NAALADL1: variants seen among roughly 807,000 people sequenced by gnomAD.
The protein encoded by NAALADL1 is aminopeptidase NAALADL1.
Under a neutral mutation model 82.8 loss-of-function variants are expected in NAALADL1, and 77 were observed. The observed-to-expected ratio is 0.93, with a 90% CI of 0.77 to 1.12. NAALADL1 has a LOEUF of 1.12. Ranked by LOEUF, NAALADL1 falls within the 50% of genes most tolerant of loss-of-function variation. The pLI is 0.00. For synonymous variants in NAALADL1, 358 were observed against 399.2 expected (o/e 0.90, Z 1.23); for missense variants, 956 against 964.0 (o/e 0.99, Z 0.11).
intron 4 of NAALADL1, among the ~76,000 whole-genome samples, chr11:65,055,830 CT>C (rs1373484244): frequency 6.7e-6 from 1 of 149,828 alleles, no homozygotes; most frequent in Non-Finnish European, 1.5e-5. Flanking sequence ...TTCTTCCTTC[CT>C]TTCTCTCCAC....
chr11:65,047,963 C>T lies in NAALADL1; in HGVS notation c.1416+18G>A, dbSNP rs200424674. ...CCGCCCCAGCTAGTTCAGCCCCGCC[C>T]GGCCTGCCCCCTTCCACCTCTTTGG... On this transcript the variant is annotated intron_variant, in intron 11 of 17. Coordinates refer to ENST00000358658, the MANE Select transcript of NAALADL1 (RefSeq NM_005468.3). 88 of 1,595,578 alleles carry T rather than the reference C, an allele frequency of 5.5e-5. No homozygotes were observed. The East Asian group carries it at 1.4e-3, about 26-fold the overall frequency.
chr11:65,057,852 A>C (rs1386528588), intron 3 of NAALADL1, 23 bp downstream of exon 3: 1 of 1,612,452 alleles, frequency 6.2e-7, no homozygotes, highest in East Asian at 2.2e-5. Flanking sequence ...GGGCCAGAGC[A>C]GTAGGGGGGG....
At chr11:65,050,253 C>T (rs565889373) in intron 8 of NAALADL1, among the ~76,000 whole-genome samples, 6 of 151,068 alleles carry the variant, frequency 4.0e-5, no homozygotes, top group East Asian at 4.0e-4. Context: ...CTGAGGTGGG[C>T]GGATCACGAG....
intron 17 of NAALADL1, 144 bp downstream of exon 17, chr11:65,045,678 C>T: frequency 1.1e-6 from 1 of 943,392 alleles, no homozygotes; most frequent in Non-Finnish European, 1.6e-6. Context: ...AACTTTCCTC[C>T]CCTCCCTGAG....
Position 65,058,249 on chromosome 11 carries a change from C to A in NAALADL1, c.187G>T (p.Glu63Ter). The A allele has an allele frequency of 6.2e-7, 1 of 1,613,498 alleles. No homozygotes were observed. Among genetic ancestry groups the A allele is most frequent in the African/African-American group, 1.3e-5 (1 of 75,032 alleles). Residue 63 changes from glutamate (E) to a stop codon, truncating the protein, a stop_gained and splice_region_variant, in exon 2 of 18, where the codon GAA becomes TAA. Coordinates refer to ENST00000358658, the MANE Select transcript of NAALADL1 (RefSeq NM_005468.3). LOFTEE classifies it high-confidence loss of function. ...DAHRIRENLR[E>*]LSREPHLASS... is the part of the protein sequence containing the mutation. Reference sequence around the variant, plus strand: ...GCCAGGTGTGGCTCCCTGGAGAGTTCTCTGCAGGGTGGGCAGAGGGAGGGG... The same window carrying A: ...GCCAGGTGTGGCTCCCTGGAGAGTTATCTGCAGGGTGGGCAGAGGGAGGGG...
Position 65,047,678 on chromosome 11 carries a change from G to T in NAALADL1, c.1477C>A (p.Arg493Ser), listed in dbSNP as rs373785662. 1,134 of 1,607,888 alleles carry T rather than the reference G, an allele frequency of 7.1e-4. 10 individuals are homozygous for T. In the South Asian group the frequency reaches 9.8e-3, roughly 14 times the overall value. Reference sequence around the variant, plus strand: ...ACCAGGCCGTACACCGGGCTGCTGCGGTTGAAGTACCGGATCCAGTTGTCG... The same window carrying T: ...ACCAGGCCGTACACCGGGCTGCTGCTGTTGAAGTACCGGATCCAGTTGTCG... ...IYDNWIRYFN[R>S]SSPVYGLVPS... is the part of the protein sequence containing the mutation. Residue 493 changes from arginine to serine, a missense_variant, in exon 12 of 18, where the codon CGC (arginine) becomes AGC (serine). Physicochemically the swap from Arg to Ser is moderately radical, Grantham distance 110. Coordinates refer to ENST00000358658, the MANE Select transcript of NAALADL1 (RefSeq NM_005468.3).
chr11:65,045,625 G>A, intron 17 of NAALADL1, 168 bp from the exon 18 acceptor site: 1 of 900,960 alleles, frequency 1.1e-6, no homozygotes, highest in Non-Finnish European at 1.7e-6. Context: ...GTCGGGGGAG[G>A]AAATGTGGGT....
intron 8 of NAALADL1, among the ~76,000 whole-genome samples, chr11:65,051,808 G>C (rs1468612289): frequency 6.6e-6 from 1 of 152,180 alleles, no homozygotes; most frequent in Non-Finnish European, 1.5e-5. Context: ...GCCAATGGCA[G>C]TGATGGTTGC....
At chr11:65,058,276 A>G (rs776505425) in intron 1 of NAALADL1, 26 bp from the exon 2 acceptor site, 1 of 1,613,668 alleles carries the variant, frequency 6.2e-7, no homozygotes. Flanking sequence ...AGGGAGGGGC[A>G]GGGCCAGCAT....
chr11:65,054,239 C>A lies in NAALADL1; in HGVS notation c.992+11G>T. 6.2e-7 allele frequency: 1 copy of A among 1,611,406 alleles called. No individual in the cohort carries two copies. The highest frequency in any genetic ancestry group is 8.5e-7 in the Non-Finnish European group (1 of 1,178,326). On this transcript the variant is annotated intron_variant, in intron 6 of 17. Transcript: ENST00000358658. The surrounding 1 kb of genome is among the most constrained non-coding windows in gnomAD (Gnocchi z 4.3). ...GGCAACTGAGGGAGACCTGGTCTGG[C>A]TGCATCTCACCTGTCTGCTGGGAAG...
chr11:65,057,607 AC>A, intron 3 of NAALADL1, 114 bp from the exon 4 acceptor site: 1 of 1,406,220 alleles, frequency 7.1e-7, no homozygotes, highest in Non-Finnish European at 9.5e-7. Context: ...CCCCCACCTC[AC>A]CCAGAGCTTG....
Position 65,054,849 on chromosome 11 carries a change from G to C in NAALADL1, c.604-111C>G. 1.5e-6 allele frequency: 2 copies of C among 1,378,890 alleles called. No individual in the cohort carries two copies. Among genetic ancestry groups the C allele is most frequent in the Non-Finnish European group, 1.9e-6 (2 of 1,029,188 alleles). 85.4% of individuals were successfully genotyped at this position (1,378,890 alleles called of 1,614,324 possible). A position where few individuals can be genotyped will look rare whatever the true frequency, so the allele number is the denominator to read the frequency against. ...AGCCAGGATAGACCAATCTTCCATGGGCAAGATGACGTTTGCACAAGTCAT... is the reference window on the plus strand; with the variant it reads ...AGCCAGGATAGACCAATCTTCCATGCGCAAGATGACGTTTGCACAAGTCAT... On this transcript the variant is annotated intron_variant, in intron 4 of 17. Coordinates refer to ENST00000358658, the MANE Select transcript of NAALADL1 (RefSeq NM_005468.3). This position sits in a 1 kb window ranked among gnomAD's most constrained non-coding sequence, Gnocchi z 4.3.
rs1213490411 is a variant in NAALADL1, at chr11:65,057,597, C to T, written c.481-104G>A. The T allele has an allele frequency of 1.3e-5, 19 of 1,431,086 alleles. No homozygotes were observed. In the South Asian group the frequency reaches 2.5e-4, roughly 19 times the overall value. 88.6% of individuals were successfully genotyped at this position (1,431,086 alleles called of 1,614,324 possible). On this transcript the variant is annotated intron_variant, in intron 3 of 17. Transcript: ENST00000358658. ...CAGGAGGGAGAATTTAGATTCTGTT[C>T]CCCCACCTCACCCAGAGCTTGTAAG...
chr11:65,054,166 A>G lies in NAALADL1; in HGVS notation c.992+84T>C. ...AAAAAGGTCAGGCTTTGAAGTGGAAAGAGGGAACATCATCACAAGGGAAGG... is the reference window on the plus strand; with the variant it reads ...AAAAAGGTCAGGCTTTGAAGTGGAAGGAGGGAACATCATCACAAGGGAAGG... On this transcript the variant is annotated intron_variant, in intron 6 of 17. Coordinates refer to ENST00000358658, the MANE Select transcript of NAALADL1 (RefSeq NM_005468.3). This position sits in a 1 kb window ranked among gnomAD's most constrained non-coding sequence, Gnocchi z 4.3. 8.3e-7 allele frequency: 1 copy of G among 1,205,420 alleles called. No homozygotes were observed. The highest frequency in any genetic ancestry group is 1.2e-6 in the Non-Finnish European group (1 of 831,942). 74.7% of individuals were successfully genotyped at this position (1,205,420 alleles called of 1,614,324 possible).
At chr11:65,049,455 T>A (rs951829694) in intron 8 of NAALADL1, among the ~76,000 whole-genome samples, 6 of 152,162 alleles carry the variant, frequency 3.9e-5, no homozygotes, top group Non-Finnish European at 8.8e-5. Flanking sequence ...AATAATAGGA[T>A]AATAATAGCA....
chr11:65,045,318 C>G lies in NAALADL1; in HGVS notation c.2176G>C (p.Ala726Pro). ...VQRQLSIVVT[A>P]LEGAAATLRP... ...AGGGTGGCTGCCGCACCCTCCAGGG[C>G]TGTCACCACAATGCTGAGCTGTCTC... The change falls in exon 18 of 18, where the codon GCC becomes CCC. Residue 726 changes from alanine to proline, a missense_variant. Physicochemically the swap from Ala to Pro is conservative, Grantham distance 27 (BLOSUM62 -1). Coordinates refer to ENST00000358658, the MANE Select transcript of NAALADL1 (RefSeq NM_005468.3). The G allele has an allele frequency of 1.9e-6, 3 of 1,611,090 alleles. No homozygotes were observed. The East Asian group carries it at 6.7e-5, about 36-fold the overall frequency.
chr11:65,051,315 C>CTTTTTTTTTTTTTTTT (rs10535126), intron 8 of NAALADL1, among the ~76,000 whole-genome samples: 7 of 59,572 alleles, frequency 1.2e-4, no homozygotes, highest in African/African-American at 3.2e-4. Flanking sequence ...TTCTTTCTTT[C>CTTTTTTTTTTTTTTTT]TTTTTTTTTT....
chr11:65,047,488 TA>T lies in NAALADL1; in HGVS notation c.1585del (p.Tyr529IlefsTer47). 6.4e-7 allele frequency: 1 copy of T among 1,564,464 alleles called. No homozygotes were observed. Among genetic ancestry groups the T allele is most frequent in the Non-Finnish European group, 8.7e-7 (1 of 1,154,138 alleles). The part of the protein sequence containing the change: ...FLGISSMDIA[Y>X]TYDRSKTSAR... ...GCGCCTGCTCACCCGGTCATAGGTATAGGCAATGTCCATGGAGGAGATGCCC... is the reference window on the plus strand; with the variant it reads ...GCGCCTGCTCACCCGGTCATAGGTATGGCAATGTCCATGGAGGAGATGCCC... On this transcript the variant is annotated frameshift_variant, in exon 13 of 18. Coordinates refer to ENST00000358658, the MANE Select transcript of NAALADL1 (RefSeq NM_005468.3). LOFTEE classifies it high-confidence loss of function.
rs753724654 is a variant in NAALADL1 at position 65,054,705 on chromosome 11, C to A, written c.637G>T (p.Val213Leu). 1.9e-6 allele frequency: 3 copies of A among 1,614,016 alleles called. No homozygotes were observed. Among genetic ancestry groups the A allele is most frequent in the Non-Finnish European group, 2.5e-6 (3 of 1,179,990 alleles). ...VNAAKHGVAG[V>L]LVYTDPADIN... ...TCGGCAGGGTCTGTGTACACCAGCA[C>A]CCCAGCTACCCCGTGCTTGGCAGCG... Residue 213 changes from valine to leucine, a missense_variant, in exon 5 of 18, where the codon GTG becomes TTG. Val to Leu is a conservative substitution (Grantham distance 32). Coordinates refer to ENST00000358658, the MANE Select transcript of NAALADL1 (RefSeq NM_005468.3). The surrounding 1 kb of genome is among the most constrained non-coding windows in gnomAD (Gnocchi z 4.3).
Sources: gnomAD v4.1 joint callset for allele counts (sites outside exome capture counted in the v4.1 genomes callset) on GRCh38, gnomAD v4.1.1 for gene constraint, Gnocchi (gnomAD v3.1) non-coding constraint, MANE v1.5 for transcripts, NCBI Gene and HGNC (gene_info 2026-07-23, HGNC 2026-07-21) for gene names.